The following IL18R1 variants were observed in gnomAD, a reference collection of about 807,000 sequenced individuals.
The protein encoded by IL18R1 is interleukin-18 receptor 1.
Under a neutral mutation model 48.5 loss-of-function variants are expected in IL18R1, and 40 were observed. That is an observed-to-expected ratio of 0.82 (90% confidence interval 0.64 to 1.07). The LOEUF (loss-of-function observed/expected upper bound fraction) is 1.07, where lower values mean the gene tolerates loss of function less well. IL18R1 is among the 50% of genes least tolerant of loss of function. The probability of loss-of-function intolerance (pLI) is 0.00; values close to 1 mark genes in which losing one functional copy is unlikely to be tolerated. For synonymous variants in IL18R1, 232 were observed against 225.9 expected, an observed-to-expected ratio of 1.03 and a Z score of -0.24; for missense variants, 596 against 633.7, an observed-to-expected ratio of 0.94 and a Z score of 0.64.
intron 2 of IL18R1, among the ~76,000 whole-genome samples, chr2:102,364,358 A>C (rs1197914577): frequency 6.6e-6 from 1 of 152,244 alleles, no homozygotes; most frequent in Non-Finnish European, 1.5e-5. Context: ...TGAGAAAAGA[A>C]CACATCACTG....
Position 102,356,207 on chromosome 2 carries a change from CTTTTT to C in IL18R1, c.-211_-207del. The stretch of plus-strand genomic sequence containing the variant: ...GTTCCTACTTTTTTTCCTTCTTCTT[CTTTTT>C]TTTTTTTTTTGTAGCCCTCTCTGGG... On this transcript the variant is annotated 5_prime_UTR_variant, in exon 1 of 11. Coordinates refer to ENST00000233957, the MANE Select transcript of IL18R1 (RefSeq NM_003855.5). 5.6e-6 allele frequency: 1 copy of C among 177,584 alleles called. No individual in the cohort carries two copies. The highest frequency in any genetic ancestry group is 1.0e-5 in the Non-Finnish European group (1 of 97,924). The allele number at this position is 177,584 out of a possible 1,614,324, so 11.0% of individuals were successfully genotyped here.
chr2:102,391,050 T>C (rs1474642682), intron 9 of IL18R1, among the ~76,000 whole-genome samples: 1 of 152,100 alleles, frequency 6.6e-6, no homozygotes, highest in African/African-American at 2.4e-5. Context: ...CCGCTGGCTC[T>C]ATGCCTCAGT....
intron 4 of IL18R1, 28 bp from the exon 5 acceptor site, chr2:102,375,879 G>A: frequency 6.8e-7 from 1 of 1,467,834 alleles, no homozygotes; most frequent in South Asian, 1.4e-5. Context: ...TTTACTTAAA[G>A]TATTTTAACT....
intron 3 of IL18R1, among the ~76,000 whole-genome samples, chr2:102,369,824 C>G (rs1406726417): frequency 1.3e-5 from 2 of 152,106 alleles, no homozygotes; most frequent in African/African-American, 4.8e-5. Flanking sequence ...CCACTGAGGA[C>G]TGATAATTTA....
intron 9 of IL18R1, among the ~76,000 whole-genome samples, chr2:102,391,162 T>C (rs1680549451): frequency 6.6e-6 from 1 of 152,068 alleles, no homozygotes; most frequent in African/African-American, 2.4e-5. Flanking sequence ...GTTTTGCATG[T>C]ATGTGTTTGC....
At chr2:102,387,751 A>G (rs527375911) in intron 8 of IL18R1, among the ~76,000 whole-genome samples, 1 of 152,320 alleles carries the variant, frequency 6.6e-6, no homozygotes, top group East Asian at 1.9e-4. Flanking sequence ...AGAGAGACAG[A>G]GACTAACACA....
intron 1 of IL18R1, among the ~76,000 whole-genome samples, chr2:102,358,503 G>A (rs1373462053): frequency 9.2e-5 from 14 of 152,138 alleles, no homozygotes; most frequent in Admixed American, 8.5e-4. Flanking sequence ...GTACACACAC[G>A]TACGTACATA....
At chr2:102,357,390 C>CT (rs2105016174) in intron 1 of IL18R1, among the ~76,000 whole-genome samples, 1 of 151,848 alleles carries the variant, frequency 6.6e-6, no homozygotes, top group Admixed American at 6.6e-5. Context: ...ACTCGGGAGG[C>CT]TGAGGCAGGA....
intron 3 of IL18R1, among the ~76,000 whole-genome samples, chr2:102,370,189 T>C (rs1679171327): frequency 6.6e-6 from 1 of 152,178 alleles, no homozygotes; most frequent in Non-Finnish European, 1.5e-5. Flanking sequence ...GCAGGTGCAG[T>C]GTGTTGTTGA....
chr2:102,357,272 A>T (rs748098230), intron 1 of IL18R1, among the ~76,000 whole-genome samples: 4 of 152,168 alleles, frequency 2.6e-5, no homozygotes, highest in Non-Finnish European at 4.4e-5. Context: ...TGGGCGGATC[A>T]TGAGGTCAGG....
intron 1 of IL18R1, among the ~76,000 whole-genome samples, chr2:102,358,534 AT>A (rs1393756452): frequency 1.3e-5 from 2 of 152,234 alleles, no homozygotes; most frequent in African/African-American, 4.8e-5. Context: ...CAAATATTTA[AT>A]ATGTCTTAGA....
chr2:102,368,055 T>G lies in IL18R1; in HGVS notation c.289T>G (p.Phe97Val). The stretch of plus-strand genomic sequence containing the variant: ...TGAGTTGAATGACACAGGATCTTAC[T>G]TTTTCCAAATGAAGTGAGTAACCCT... ...PVELNDTGSY[F>V]FQMKNYTQKW... is the part of the protein sequence containing the mutation. The change falls in exon 3 of 11, where the codon TTT becomes GTT. Residue 97 changes from phenylalanine to valine, a missense_variant. By Grantham distance (50) the Phe-to-Val change is conservative. Transcript: ENST00000233957. 6.2e-7 allele frequency: 1 copy of G among 1,614,172 alleles called. No homozygotes were observed.
In IL18R1 at chr2:102,394,481, A is replaced by G; in HGVS notation, c.1124A>G (p.Tyr375Cys). The G allele has an allele frequency of 6.2e-7, 1 of 1,610,116 alleles. No individual in the cohort carries two copies. The highest frequency in any genetic ancestry group is 8.5e-7 in the Non-Finnish European group (1 of 1,177,618). ...RDETLTDGKTYDAFVSYLKEC... is the reference protein window; with the variant it reads ...RDETLTDGKTCDAFVSYLKEC... ...TCTTACCTCCTAGATGGAAAAACAT[A>G]TGATGCTTTTGTGTCTTACCTAAAA... The change falls in exon 10 of 11, where the codon TAT (tyrosine) becomes TGT (cysteine). Residue 375 changes from tyrosine to cysteine, a missense_variant. This residue lies in a region of IL18R1 where 179 missense variants were observed against 206.1 expected (regional missense o/e 0.87). Coordinates refer to ENST00000233957, the MANE Select transcript of IL18R1 (RefSeq NM_003855.5).
rs779440932 is a variant in IL18R1, at chr2:102,375,930, G to A, written c.492G>A (p.Glu164=). ...AGAACTGTAAAAAGCTACTACTGGA[G>A]AACAATAAAAACCCAACGATAAAGA... is the stretch of plus-strand genomic sequence containing the variant. The part of the protein sequence containing the change: ...LYKNCKKLLL[E]NNKNPTIKKN... The change falls in exon 5 of 11, where the codon GAG becomes GAA. Residue 164 remains glutamate (E), a synonymous_variant. Coordinates refer to ENST00000233957, the MANE Select transcript of IL18R1 (RefSeq NM_003855.5). 9.4e-6 allele frequency: 15 copies of A among 1,591,566 alleles called. No individual in the cohort carries two copies. In the South Asian group the frequency reaches 1.8e-4, roughly 19 times the overall value.
intron 3 of IL18R1, among the ~76,000 whole-genome samples, chr2:102,371,694 C>T (rs188557696): frequency 6.6e-5 from 10 of 152,024 alleles, no homozygotes; most frequent in South Asian, 4.2e-4. Flanking sequence ...AGGATATGTG[C>T]GTGTGTGCGT....
intron 4 of IL18R1, among the ~76,000 whole-genome samples, chr2:102,373,658 C>T (rs1392074421): frequency 6.6e-6 from 1 of 152,056 alleles, no homozygotes; most frequent in Non-Finnish European, 1.5e-5. Context: ...TATATATACA[C>T]ATACATAGCG....
chr2:102,359,931 G>A (rs1678476269), intron 1 of IL18R1, among the ~76,000 whole-genome samples: 1 of 152,194 alleles, frequency 6.6e-6, no homozygotes, highest in Non-Finnish European at 1.5e-5. Context: ...AGTTCCAGGA[G>A]ATGGTATTAT....
chr2:102,381,580 G>A (rs934926656), intron 5 of IL18R1, 40 bp from the exon 6 acceptor site: 2 of 1,435,360 alleles, frequency 1.4e-6, no homozygotes, highest in East Asian at 2.3e-5. Context: ...GAAGCTCAAG[G>A]CAACACTAAT....
chr2:102,394,777 T>C (rs2287033), intron 10 of IL18R1, 150 bp downstream of exon 10: 233,668 of 498,388 alleles, frequency 0.47, 61,193 homozygotes, highest in African/African-American at 0.73. Flanking sequence ...CAACAATCGA[T>C]AGTGAGAAAA....
Sources: gnomAD v4.1 joint callset for allele counts (sites outside exome capture counted in the v4.1 genomes callset) on GRCh38, gnomAD v4.1.1 for gene constraint, gnomAD v4.1.1 regional missense constraint, MANE v1.5 for transcripts, NCBI Gene and HGNC (gene_info 2026-07-23, HGNC 2026-07-21) for gene names.